Variants in RANBP9 observed in about 807,000 individuals in gnomAD.
The protein encoded by RANBP9 is ran-binding protein 9.
In RANBP9, 15 loss-of-function variants were observed where a neutral mutation model predicts 84.3. The ratio of observed to expected loss-of-function variants is 0.18; its 90% CI spans 0.12 to 0.27. The LOEUF (loss-of-function observed/expected upper bound fraction) is 0.27. Among genes scored for constraint, RANBP9 ranks in the 10% least tolerant of loss-of-function variants. RANBP9 has a pLI of 1.00. For synonymous variants in RANBP9, 392 were observed against 349.6 expected, an observed-to-expected ratio of 1.12 and a Z score of -1.35; for missense variants, 809 against 912.8, an observed-to-expected ratio of 0.89 and a Z score of 1.46.
rs140555854 is a variant in RANBP9 at position 13,692,973 on chromosome 6, G to A, written c.683+3812C>T. ...CTATAAGTTAAGTACTGGAGTTATA[G>A]AAATTAAAATAGTCCCTTACTCTTA... is the stretch of plus-strand genomic sequence containing the variant. On this transcript the variant is annotated intron_variant, in intron 2 of 13. Transcript: ENST00000011619. Among the ~76,000 whole-genome samples, 10 of 152,312 alleles carry A rather than the reference G, an allele frequency of 6.6e-5. No homozygotes were observed. The East Asian group carries it at 1.5e-3, about 23-fold the overall frequency.
intron 13 of RANBP9, among the ~76,000 whole-genome samples, chr6:13,624,734 G>C (rs7742903): frequency 0.78 from 119,410 of 152,182 alleles, 47,129 homozygotes; most frequent in South Asian, 0.85. Context: ...TTTCGCACTT[G>C]ATGCTCACCC....
At chr6:13,692,607 T>C (rs1562320851) in intron 2 of RANBP9, among the ~76,000 whole-genome samples, 2 of 147,678 alleles carry the variant, frequency 1.4e-5, no homozygotes, top group South Asian at 4.3e-4. Flanking sequence ...ATCCCAGCAC[T>C]TTGGGTGGCA....
chr6:13,656,679 G>C (rs1157593714), intron 4 of RANBP9, among the ~76,000 whole-genome samples: 3 of 152,092 alleles, frequency 2.0e-5, no homozygotes, highest in African/African-American at 7.2e-5. Context: ...TGAGTGTGTT[G>C]ATGCCCTTCA....
intron 2 of RANBP9, among the ~76,000 whole-genome samples, chr6:13,659,741 G>A (rs1765498706): frequency 6.6e-6 from 1 of 151,978 alleles, no homozygotes; most frequent in East Asian, 1.9e-4. Flanking sequence ...AATAAAATAA[G>A]AATAAAAGGA....
At chr6:13,702,561 A>G (rs1050095235) in intron 1 of RANBP9, among the ~76,000 whole-genome samples, 2 of 152,218 alleles carry the variant, frequency 1.3e-5, no homozygotes, top group Non-Finnish European at 2.9e-5. Flanking sequence ...CCAAATTAAA[A>G]CAAGATTGAC....
At chr6:13,670,656 C>T (rs538500831) in intron 2 of RANBP9, among the ~76,000 whole-genome samples, 33 of 151,960 alleles carry the variant, frequency 2.2e-4, no homozygotes, top group Admixed American at 4.6e-4. Context: ...CAAAATTAGA[C>T]GGGCGTGGTG....
chr6:13,662,956 GA>G (rs548081324), intron 2 of RANBP9, among the ~76,000 whole-genome samples: 94 of 151,996 alleles, frequency 6.2e-4, no homozygotes, highest in African/African-American at 2.2e-3. Context: ...AGAGTCCTTG[GA>G]ACAGTATCAA....
In RANBP9 at chr6:13,622,442, C is replaced by T. The variant is rs1340505730; in HGVS notation, c.2110G>A (p.Ala704Thr). ...GCCATCAGTCCTAGACATTGTGTGG[C>T]CTGTCCCATTGCTAGGGCAAGTGGA... Reference protein sequence around the residue: ...QPPLALAMGQATQCLGLMARS... With the variant: ...QPPLALAMGQTTQCLGLMARS... The change falls in exon 14 of 14, where the codon GCC becomes ACC. Residue 704 changes from alanine to threonine, a missense_variant. Coordinates refer to ENST00000011619, the MANE Select transcript of RANBP9 (RefSeq NM_005493.3). 6.2e-7 allele frequency: 1 copy of T among 1,602,588 alleles called. No homozygotes were observed. The highest frequency in any genetic ancestry group is 1.1e-5 in the South Asian group (1 of 89,210).
At chr6:13,700,400 C>T (rs144876176) in intron 1 of RANBP9, among the ~76,000 whole-genome samples, 440 of 152,302 alleles carry the variant, frequency 2.9e-3, no homozygotes, top group African/African-American at 1.0e-2. Context: ...CTTTCTGCTC[C>T]AGCCGCATCA....
At chr6:13,680,108 T>TGGCA (rs1159404029) in intron 2 of RANBP9, among the ~76,000 whole-genome samples, 1 of 152,128 alleles carries the variant, frequency 6.6e-6, no homozygotes, top group Non-Finnish European at 1.5e-5. Flanking sequence ...AGAATTTCTC[T>TGGCA]GGCAGGTTTT....
chr6:13,639,599 A>C lies in RANBP9; in HGVS notation c.1489T>G (p.Leu497Val). ...GCGGTGCTTCCTTTGCCTGATGCTA[A>C]ATTGTGGATATTCATTCCATGGCTG... is the stretch of plus-strand genomic sequence containing the variant. The part of the protein sequence containing the change: ...SPSHGMNIHN[L>V]ASGKGSTAHF... The change falls in exon 9 of 14, where the codon TTA (leucine) becomes GTA (valine). Residue 497 changes from leucine (L) to valine (V), a missense_variant. Around this residue, in one of 5 missense-constraint regions of RANBP9, gnomAD observed 216 missense variants for 329.0 expected, o/e 0.66. Transcript: ENST00000011619. 1 of 1,612,296 alleles carries C rather than the reference A, an allele frequency of 6.2e-7. No individual in the cohort carries two copies. The highest frequency in any genetic ancestry group is 2.2e-5 in the East Asian group (1 of 44,864).
At chr6:13,630,524 A>AG (rs1360094440) in intron 12 of RANBP9, among the ~76,000 whole-genome samples, 3 of 152,034 alleles carry the variant, frequency 2.0e-5, no homozygotes, top group Admixed American at 6.5e-5. Flanking sequence ...TTCTTAAAAA[A>AG]AAAAAAAAAT....
chr6:13,622,768 G>C (rs984331711), intron 13 of RANBP9, among the ~76,000 whole-genome samples: 1 of 152,186 alleles, frequency 6.6e-6, no homozygotes, highest in African/African-American at 2.4e-5. Flanking sequence ...TATTAACTAT[G>C]ATGGGAAAGG....
intron 1 of RANBP9, among the ~76,000 whole-genome samples, chr6:13,708,334 G>C: frequency 6.6e-6 from 1 of 152,106 alleles, no homozygotes; most frequent in Non-Finnish European, 1.5e-5. Flanking sequence ...ATGGAGGCAG[G>C]GGGATCCCTT....
chr6:13,707,906 A>C, intron 1 of RANBP9, among the ~76,000 whole-genome samples: 1 of 152,236 alleles, frequency 6.6e-6, no homozygotes, highest in Non-Finnish European at 1.5e-5. Flanking sequence ...AATTTCAAAA[A>C]TAAGAGGGGC....
At chr6:13,650,730 C>T (rs1382012120) in intron 5 of RANBP9, among the ~76,000 whole-genome samples, 2 of 152,124 alleles carry the variant, frequency 1.3e-5, no homozygotes, top group African/African-American at 2.4e-5. Context: ...TTCTTGATGA[C>T]GGAGAAGACA....
At chr6:13,661,552 C>T (rs1765538125) in intron 2 of RANBP9, among the ~76,000 whole-genome samples, 1 of 151,602 alleles carries the variant, frequency 6.6e-6, no homozygotes, top group Non-Finnish European at 1.5e-5. Context: ...TGAATTCATT[C>T]TAGATGATAT....
At chr6:13,626,732 G>C (rs1764616738) in intron 12 of RANBP9, among the ~76,000 whole-genome samples, 1 of 152,140 alleles carries the variant, frequency 6.6e-6, no homozygotes, top group African/African-American at 2.4e-5. Flanking sequence ...ACAACACTTT[G>C]AAAATACTGA....
In RANBP9 at chr6:13,661,332, A is replaced by C. The variant is rs560246508; in HGVS notation, c.684-2500T>G. ...ACCTAGTTTTGGATTGGGAGGAATG[A>C]ATTGAAAATCAAGTAAAAACTGTAA... On this transcript the variant is annotated intron_variant, in intron 2 of 13. Coordinates refer to ENST00000011619, the MANE Select transcript of RANBP9 (RefSeq NM_005493.3). Among the ~76,000 whole-genome samples, 35 of 152,344 alleles carry C rather than the reference A, an allele frequency of 2.3e-4. No individual in the cohort carries two copies. The South Asian group carries it at 7.0e-3, about 31-fold the overall frequency.
Sources: allele counts gnomAD v4.1 joint callset (sites outside exome capture counted in the v4.1 genomes callset), GRCh38; gene constraint gnomAD v4.1.1; regional missense constraint gnomAD v4.1.1; transcripts MANE v1.5; gene names NCBI Gene and HGNC (gene_info 2026-07-23, HGNC 2026-07-21).